The following SDK1 variants were observed in gnomAD, a reference collection of about 807,000 sequenced individuals.
SDK1 encodes the protein protein sidekick-1.
SDK1 carries 157 observed loss-of-function variants against 245.5 expected under a neutral mutation model. The ratio of observed to expected loss-of-function variants is 0.64; its 90% CI spans 0.56 to 0.73. The LOEUF (loss-of-function observed/expected upper bound fraction) is 0.73, where lower values mean the gene tolerates loss of function less well. Among genes scored for constraint, SDK1 ranks in the 30% least tolerant of loss-of-function variants. SDK1 has a pLI of 0.00. For synonymous variants in SDK1, 1,647 were observed against 1,278.5 expected (o/e 1.29, Z -6.15); for missense variants, 3,583 against 3,002.3 (o/e 1.19, Z -4.52).
intron 17 of SDK1, among the ~76,000 whole-genome samples, chr7:4,022,073 C>T (rs573931844): frequency 6.6e-6 from 1 of 152,260 alleles, no homozygotes; most frequent in East Asian, 1.9e-4. Context: ...CAGCTATTAG[C>T]ACTGATTGTC....
intron 1 of SDK1, among the ~76,000 whole-genome samples, chr7:3,312,537 A>T (rs979841816): frequency 2.0e-5 from 3 of 151,884 alleles, no homozygotes; most frequent in Admixed American, 6.6e-5. Flanking sequence ...ACCCAGTAGG[A>T]CTTCTAGAAA....
At chr7:3,739,285 C>G (rs1349377439) in intron 4 of SDK1, among the ~76,000 whole-genome samples, 1 of 152,042 alleles carries the variant, frequency 6.6e-6, no homozygotes, top group Non-Finnish European at 1.5e-5. Context: ...TTGCATTTAT[C>G]CTTCTTAGAG....
intron 1 of SDK1, among the ~76,000 whole-genome samples, chr7:3,317,419 T>C (rs572041867): frequency 6.6e-6 from 1 of 152,304 alleles, no homozygotes; most frequent in African/African-American, 2.4e-5. Context: ...CCAGACTAAT[T>C]GGGGAGCAAG....
chr7:3,938,994 G>A (rs569750516), intron 5 of SDK1, among the ~76,000 whole-genome samples: 4 of 152,130 alleles, frequency 2.6e-5, no homozygotes, highest in Non-Finnish European at 4.4e-5. Flanking sequence ...TTTATTTATC[G>A]TCTCTCGTCA....
At chr7:3,506,442 T>C (rs1489424112) in intron 1 of SDK1, among the ~76,000 whole-genome samples, 1 of 152,182 alleles carries the variant, frequency 6.6e-6, no homozygotes, top group African/African-American at 2.4e-5. Context: ...ATTATTCTCT[T>C]TTGGGTTTCG....
chr7:4,203,286 T>A (rs1247149362), intron 35 of SDK1, among the ~76,000 whole-genome samples: 1 of 152,192 alleles, frequency 6.6e-6, no homozygotes, highest in African/African-American at 2.4e-5. Flanking sequence ...TTGTCTCTCA[T>A]TGCCTCAGCA....
At chr7:3,318,558 G>A (rs189622633) in intron 1 of SDK1, among the ~76,000 whole-genome samples, 1 of 152,286 alleles carries the variant, frequency 6.6e-6, no homozygotes, top group Non-Finnish European at 1.5e-5. Context: ...GAAATACACA[G>A]AAGGCATTAC....
chr7:3,977,567 T>C (rs1320116670), intron 13 of SDK1, among the ~76,000 whole-genome samples: 2 of 152,246 alleles, frequency 1.3e-5, no homozygotes, highest in African/African-American at 4.8e-5. Flanking sequence ...GGTTGGGTGC[T>C]GTCATCCGTG....
chr7:3,614,570 A>G (rs959683527), intron 1 of SDK1, among the ~76,000 whole-genome samples: 1 of 152,208 alleles, frequency 6.6e-6, no homozygotes, highest in Non-Finnish European at 1.5e-5. Flanking sequence ...TTTGCAGGGC[A>G]TCTGTGCAGA....
chr7:4,091,131 G>A (rs1306401250), intron 22 of SDK1, among the ~76,000 whole-genome samples: 2 of 151,988 alleles, frequency 1.3e-5, no homozygotes, highest in Non-Finnish European at 2.9e-5. Flanking sequence ...AGTCTAACAT[G>A]ACTGCACTAT....
intron 35 of SDK1, among the ~76,000 whole-genome samples, chr7:4,192,525 T>C (rs1783270405): frequency 6.6e-6 from 1 of 152,204 alleles, no homozygotes; most frequent in Non-Finnish European, 1.5e-5. Context: ...TCCACCCGCC[T>C]CGGCCTCCTG....
chr7:3,915,762 A>T (rs1225293281), intron 5 of SDK1, among the ~76,000 whole-genome samples: 1 of 152,192 alleles, frequency 6.6e-6, no homozygotes, highest in Non-Finnish European at 1.5e-5. Flanking sequence ...AGAGCTTAGT[A>T]CCAAGTCACG....
At chr7:3,607,122 T>C (rs889956122) in intron 1 of SDK1, among the ~76,000 whole-genome samples, 6 of 152,032 alleles carry the variant, frequency 3.9e-5, no homozygotes, top group Admixed American at 1.3e-4. Context: ...TGGCCACTAG[T>C]CACTACCTGC....
chr7:3,899,181 T>G (rs10236538), intron 5 of SDK1, among the ~76,000 whole-genome samples: 2,355 of 152,342 alleles, frequency 0.015, 75 homozygotes, highest in African/African-American at 0.054. Flanking sequence ...TCACCCTCCC[T>G]GATCTGCTGT....
Position 4,268,869 on chromosome 7 carries a change from G to T in SDK1, c.*3485G>T, listed in dbSNP as rs143331393. Reference sequence around the variant, plus strand: ...TTAGGGAGCCGTCAGGTCCCTAAACGTTCCCTACAACTTTTTCTGAAATTG... The same window carrying T: ...TTAGGGAGCCGTCAGGTCCCTAAACTTTCCCTACAACTTTTTCTGAAATTG... On this transcript the variant is annotated 3_prime_UTR_variant, in exon 45 of 45. Coordinates refer to ENST00000404826, the MANE Select transcript of SDK1 (RefSeq NM_152744.4). 4.7e-5 allele frequency: 27 copies of T among 571,220 alleles called. No homozygotes were observed. In the East Asian group the frequency reaches 1.5e-3, roughly 31 times the overall value. 35.4% of individuals were successfully genotyped at this position (571,220 alleles called of 1,614,324 possible).
chr7:3,903,495 A>G (rs1007654688), intron 5 of SDK1, among the ~76,000 whole-genome samples: 1 of 152,126 alleles, frequency 6.6e-6, no homozygotes, highest in Non-Finnish European at 1.5e-5. Flanking sequence ...AGAAGTAGAT[A>G]CATTTTAACC....
At chr7:4,069,489 C>G (rs752718697) in intron 20 of SDK1, among the ~76,000 whole-genome samples, 12 of 152,254 alleles carry the variant, frequency 7.9e-5, no homozygotes, top group Non-Finnish European at 1.3e-4. Flanking sequence ...GTTGCCCGTC[C>G]TGACGCGAGC....
intron 5 of SDK1, among the ~76,000 whole-genome samples, chr7:3,860,465 A>G (rs1175487022): frequency 6.6e-6 from 1 of 152,326 alleles, no homozygotes; most frequent in Non-Finnish European, 1.5e-5. Context: ...CAAACTATAA[A>G]TTTTCACTCA....
intron 1 of SDK1, among the ~76,000 whole-genome samples, chr7:3,580,215 A>C (rs1348488317): frequency 2.0e-5 from 3 of 152,154 alleles, no homozygotes; most frequent in Non-Finnish European, 4.4e-5. Flanking sequence ...TGGCCATAAT[A>C]CCCAAAGCAG....
Sources: allele counts gnomAD v4.1 joint callset (sites outside exome capture counted in the v4.1 genomes callset), GRCh38; gene constraint gnomAD v4.1.1; transcripts MANE v1.5; gene names NCBI Gene and HGNC (gene_info 2026-07-23, HGNC 2026-07-21).